Variants in SLC9B2 observed in about 807,000 individuals in gnomAD.
SLC9B2 encodes solute carrier family 9 member B2, also known as sodium/hydrogen exchanger 9B2.
SLC9B2 carries 39 observed loss-of-function variants against 52.2 expected under a neutral mutation model. The observed-to-expected ratio is 0.75, with a 90% CI of 0.58 to 0.98. The LOEUF is 0.98. SLC9B2 is among the 50% of genes least tolerant of loss of function. SLC9B2 has a pLI of 0.00. For missense variants in SLC9B2, 626 were observed against 637.5 expected, an observed-to-expected ratio of 0.98 and a Z score of 0.19; for synonymous variants, 214 against 227.0, an observed-to-expected ratio of 0.94 and a Z score of 0.51.
At chr4:103,035,004 C>G (rs1743035774) in intron 9 of SLC9B2, among the ~76,000 whole-genome samples, 1 of 151,986 alleles carries the variant, frequency 6.6e-6, no homozygotes, top group Admixed American at 6.6e-5. Flanking sequence ...ATTTTAAATT[C>G]AGGGGCACAT....
intron 7 of SLC9B2, among the ~76,000 whole-genome samples, chr4:103,046,381 C>T (rs544897728): frequency 2.6e-5 from 4 of 152,252 alleles, no homozygotes; most frequent in South Asian, 2.1e-4. Flanking sequence ...TAAGATCAAG[C>T]GTACTATCTG....
chr4:103,053,436 T>C (rs181195232), intron 4 of SLC9B2, among the ~76,000 whole-genome samples: 2 of 152,314 alleles, frequency 1.3e-5, no homozygotes, highest in Admixed American at 6.5e-5. Flanking sequence ...TTGAGAATGA[T>C]TTCAGTTACC....
intron 1 of SLC9B2, among the ~76,000 whole-genome samples, chr4:103,069,867 T>C (rs766938875): frequency 1.3e-5 from 2 of 152,232 alleles, no homozygotes; most frequent in Non-Finnish European, 2.9e-5. Context: ...TTATTATTTT[T>C]AGTAGACAAA....
At chr4:103,046,481 A>G (rs1413928820) in intron 7 of SLC9B2, among the ~76,000 whole-genome samples, 1 of 152,196 alleles carries the variant, frequency 6.6e-6, no homozygotes, top group Non-Finnish European at 1.5e-5. Context: ...AAAATACCTC[A>G]ATTTCAGACA....
Position 103,026,230 on chromosome 4 carries a change from G to C in SLC9B2, c.*140C>G. ...TTACCACCCACATGGAAAGAGCAAG[G>C]GCTAAAAATGCTGTTTAAAGAAACA... On this transcript the variant is annotated 3_prime_UTR_variant, in exon 12 of 12. Transcript: ENST00000394785. 1 of 724,452 alleles carries C rather than the reference G, an allele frequency of 1.4e-6. No individual in the cohort carries two copies. The highest frequency in any genetic ancestry group is 2.2e-6 in the Non-Finnish European group (1 of 451,932). The allele number at this position is 724,452 out of a possible 1,614,324, so 44.9% of individuals were successfully genotyped here.
chr4:103,045,143 G>A (rs1744008567), intron 7 of SLC9B2, 147 bp from the exon 8 acceptor site: 2 of 601,468 alleles, frequency 3.3e-6, no homozygotes, highest in African/African-American at 1.9e-5. Flanking sequence ...ATATGTAAGT[G>A]GAACCTACAT....
In SLC9B2 at chr4:103,022,344, C is replaced by A. The variant is rs1741847026; in HGVS notation, c.*4026G>T. On this transcript the variant is annotated 3_prime_UTR_variant, in exon 12 of 12. Coordinates refer to ENST00000394785, the MANE Select transcript of SLC9B2 (RefSeq NM_178833.7). ...AGCATTCATTATATACAAAAAAATT[C>A]TTCAATCTACATAGCATCATAAAAG... Among the ~76,000 whole-genome samples, 1 of 152,116 alleles carries A rather than the reference C, an allele frequency of 6.6e-6. No homozygotes were observed. Among genetic ancestry groups the A allele is most frequent in the Non-Finnish European group, 1.5e-5 (1 of 68,014 alleles).
At chr4:103,049,140 A>G in intron 5 of SLC9B2, 120 bp from the exon 6 acceptor site, 1 of 1,190,334 alleles carries the variant, frequency 8.4e-7, no homozygotes, top group Non-Finnish European at 1.1e-6. Flanking sequence ...TTTCAAGGTA[A>G]TGAGTTGTAT....
intron 1 of SLC9B2, among the ~76,000 whole-genome samples, chr4:103,071,095 G>A (rs1172921779): frequency 1.3e-5 from 2 of 151,988 alleles, no homozygotes; most frequent in Non-Finnish European, 2.9e-5. Context: ...GTTGCCTTTG[G>A]GAAGGGAAAT....
At chr4:103,055,896 C>T (rs909210987) in intron 4 of SLC9B2, among the ~76,000 whole-genome samples, 5 of 151,440 alleles carry the variant, frequency 3.3e-5, no homozygotes, top group African/African-American at 7.3e-5. Flanking sequence ...CTCCACCTCC[C>T]GGGTTCACGC....
intron 2 of SLC9B2, among the ~76,000 whole-genome samples, chr4:103,067,258 A>G (rs1265367520): frequency 2.0e-5 from 3 of 152,212 alleles, no homozygotes; most frequent in Admixed American, 1.3e-4. Context: ...AACCAAAACC[A>G]TTCTAGAGAT....
chr4:103,026,445 G>T lies in SLC9B2; in HGVS notation c.1539C>A (p.Gly513=), dbSNP rs1742218053. ...PIGSLLIGLL[G]PRLLQKVEHQ... Reference sequence around the variant, plus strand: ...GTTCAACTTTCTGCAGAAGCCTGGGGCCCAGTAAACCAATAAGCAGACTTC... The same window carrying T: ...GTTCAACTTTCTGCAGAAGCCTGGGTCCCAGTAAACCAATAAGCAGACTTC... The change falls in exon 12 of 12, where the codon GGC becomes GGA. Residue 513 remains glycine, a synonymous_variant. Transcript: ENST00000394785. The T allele has an allele frequency of 6.2e-7, 1 of 1,613,830 alleles. No homozygotes were observed. Among genetic ancestry groups the T allele is most frequent in the Non-Finnish European group, 8.5e-7 (1 of 1,179,872 alleles).
intron 5 of SLC9B2, among the ~76,000 whole-genome samples, chr4:103,049,269 A>G (rs1310031861): frequency 2.6e-5 from 4 of 152,240 alleles, no homozygotes; most frequent in African/African-American, 4.8e-5. Flanking sequence ...TCATCTGAAA[A>G]GGCACAGGCT....
chr4:103,063,280 T>G (rs892171003), intron 3 of SLC9B2, among the ~76,000 whole-genome samples: 1 of 152,264 alleles, frequency 6.6e-6, no homozygotes, highest in Admixed American at 6.5e-5. Flanking sequence ...TCTGGTTTTC[T>G]GTACATGTTC....
At chr4:103,026,955 C>T (rs1487554947) in intron 11 of SLC9B2, among the ~76,000 whole-genome samples, 2 of 152,082 alleles carry the variant, frequency 1.3e-5, no homozygotes, top group African/African-American at 4.8e-5. Context: ...GTTGCCCAGA[C>T]TGGTCTTGAA....
chr4:103,063,712 T>A (rs1219309797), intron 3 of SLC9B2, among the ~76,000 whole-genome samples: 4 of 151,998 alleles, frequency 2.6e-5, no homozygotes, highest in Non-Finnish European at 4.4e-5. Flanking sequence ...TACACCAAAC[T>A]AAAAAGCTTT....
chr4:103,061,210 G>A lies in SLC9B2; in HGVS notation c.272-3239C>T, dbSNP rs571079255. ...TGCTGCTATAAAGACACATGCACAC[G>A]TACGTTTATTGAGGCACTATTCACA... On this transcript the variant is annotated intron_variant, in intron 3 of 11. Coordinates refer to ENST00000394785, the MANE Select transcript of SLC9B2 (RefSeq NM_178833.7). Among the ~76,000 whole-genome samples the A allele has an allele frequency of 2.0e-3, 309 of 152,230 alleles. 8 individuals are homozygous for A. The South Asian group carries it at 0.041, about 20-fold the overall frequency.
chr4:103,071,200 T>C (rs550504305), intron 1 of SLC9B2, among the ~76,000 whole-genome samples: 1 of 151,768 alleles, frequency 6.6e-6, no homozygotes, highest in African/African-American at 2.4e-5. Context: ...ATATATTTTG[T>C]TGTTGTTGTT....
rs752974490 is a variant in SLC9B2, at chr4:103,047,158, T to C, written c.782A>G (p.Tyr261Cys). The part of the protein sequence containing the change: ...PSMLLLQGGG[Y>C]GVEKGVPTLL... ...GGTTGGGACACCCTTCTCAACACCATAGCCTCCTCCCTGCAAAAGGAGCAT... is the reference window on the plus strand; with the variant it reads ...GGTTGGGACACCCTTCTCAACACCACAGCCTCCTCCCTGCAAAAGGAGCAT... The change falls in exon 7 of 12, where the codon TAT becomes TGT. Residue 261 changes from tyrosine to cysteine, a missense_variant. Transcript: ENST00000394785. The C allele has an allele frequency of 8.1e-6, 13 of 1,613,930 alleles. No individual in the cohort carries two copies. In the Admixed American group the frequency reaches 1.3e-4, roughly 17 times the overall value.
Sources: gnomAD v4.1 joint callset for allele counts (sites outside exome capture counted in the v4.1 genomes callset) on GRCh38, gnomAD v4.1.1 for gene constraint, MANE v1.5 for transcripts, NCBI Gene and HGNC (gene_info 2026-07-23, HGNC 2026-07-21) for gene names.